MALRD1: variants seen among roughly 807,000 people sequenced by gnomAD.
The protein encoded by MALRD1 is MAM and LDL-receptor class A domain-containing protein 1.
MALRD1 carries 247 observed loss-of-function variants against 242.1 expected under a neutral mutation model. That is an observed-to-expected ratio of 1.02 (90% CI 0.92 to 1.13). MALRD1 has a LOEUF of 1.13. MALRD1 is among the 50% of genes most tolerant of loss of function. The pLI, the probability that MALRD1 is intolerant of heterozygous loss-of-function variation, is 0.00. For synonymous variants in MALRD1, 995 were observed against 866.6 expected, an observed-to-expected ratio of 1.15 and a Z score of -2.60; for missense variants, 2,989 against 2,533.1, an observed-to-expected ratio of 1.18 and a Z score of -3.86.
intron 18 of MALRD1, among the ~76,000 whole-genome samples, chr10:19,240,057 G>A (rs746615124): frequency 6.6e-6 from 1 of 151,902 alleles, no homozygotes; most frequent in Non-Finnish European, 1.5e-5. Flanking sequence ...ATTTTGATAG[G>A]GATTGCATTG....
rs541942308 is a variant in MALRD1, at chr10:19,201,454, A to G, written c.1952-2274A>G. 7.9e-5 allele frequency among the ~76,000 whole-genome samples: 12 copies of G among 152,318 alleles called. No homozygotes were observed. The South Asian group carries it at 2.3e-3, about 29-fold the overall frequency. ...CTATAGCAATATCTCCCTGGATAGC[A>G]GATAATAAGGTTCCCCTTCCAGGTA... is the stretch of plus-strand genomic sequence containing the variant. On this transcript the variant is annotated intron_variant, in intron 14 of 39. Coordinates refer to ENST00000454679, the MANE Select transcript of MALRD1 (RefSeq NM_001142308.3).
chr10:19,633,034 T>C (rs12266190), intron 36 of MALRD1, among the ~76,000 whole-genome samples: 23,879 of 151,926 alleles, frequency 0.16, 3,088 homozygotes, highest in African/African-American at 0.35. Context: ...GAGTTCAAGA[T>C]CAGCCTGGCC....
intron 32 of MALRD1, among the ~76,000 whole-genome samples, chr10:19,547,804 ATATATATATATATATTTTTTT>A (rs1276543606): frequency 7.5e-5 from 1 of 13,316 alleles, no homozygotes; most frequent in Non-Finnish European, 1.7e-4. Context: ...ATATATATAT[ATATATATATATATATTTTTTT>A]TTTTTTTTTT....
chr10:19,286,785 A>G (rs544111644), intron 21 of MALRD1, among the ~76,000 whole-genome samples: 17 of 151,584 alleles, frequency 1.1e-4, no homozygotes, highest in East Asian at 1.9e-4. Context: ...ATTCCAATCA[A>G]TAGAAAAGGA....
rs571468452 is a variant in MALRD1, at chr10:19,238,713, A to G, written c.2992-18971A>G. Among the ~76,000 whole-genome samples, 12 of 149,556 alleles carry G rather than the reference A, an allele frequency of 8.0e-5. 1 individual carries two copies. In the South Asian group the frequency reaches 2.3e-3, roughly 29 times the overall value. On this transcript the variant is annotated intron_variant, in intron 18 of 39. Transcript: ENST00000454679. The stretch of plus-strand genomic sequence containing the variant: ...AACACAATGATTTCATTTCCTATGG[A>G]TATATACCCAGTAGTGGGATTGCTG...
chr10:19,726,286 G>A (rs922933234), intron 38 of MALRD1, among the ~76,000 whole-genome samples: 3 of 152,102 alleles, frequency 2.0e-5, no homozygotes, highest in Middle Eastern at 3.4e-3. Flanking sequence ...AATGGGCAAA[G>A]GACTAGAATA....
chr10:19,568,554 A>G (rs186514701), intron 33 of MALRD1, among the ~76,000 whole-genome samples: 1 of 152,218 alleles, frequency 6.6e-6, no homozygotes. Flanking sequence ...TTCCTCAGGA[A>G]GTCACTCCCA....
At chr10:19,270,840 ACACG>A (rs1304080419) in intron 19 of MALRD1, among the ~76,000 whole-genome samples, 8 of 150,848 alleles carry the variant, frequency 5.3e-5, no homozygotes, top group African/African-American at 1.7e-4. Context: ...ACACACACAC[ACACG>A]CACACACAAA....
intron 14 of MALRD1, among the ~76,000 whole-genome samples, chr10:19,181,048 A>G (rs1835479964): frequency 6.9e-6 from 1 of 145,692 alleles, no homozygotes; most frequent in South Asian, 2.1e-4. Context: ...GATAGCTATA[A>G]TTAAAAAAAA....
Position 19,340,346 on chromosome 10 carries a change from C to CTT in MALRD1, c.3902-7414_3902-7413dup, listed in dbSNP as rs35265559. On this transcript the variant is annotated intron_variant, in intron 24 of 39. Transcript: ENST00000454679. ...GACTGTAGTCAATTTGATGTGCTAA[C>CTT]TTTTTTTTTTTTGTACCCATTAACA... Among the ~76,000 whole-genome samples the CTT allele has an allele frequency of 8.3e-3, 1,233 of 148,044 alleles. 15 individuals are homozygous for CTT. Among genetic ancestry groups the CTT allele is most frequent in the African/African-American group, 0.025 (1,014 of 40,424 alleles).
At chr10:19,494,583 G>A (rs1180795854) in intron 30 of MALRD1, among the ~76,000 whole-genome samples, 8 of 152,216 alleles carry the variant, frequency 5.3e-5, no homozygotes, top group Middle Eastern at 3.4e-3. Flanking sequence ...AAAAAATAAC[G>A]TAATTCACCT....
intron 18 of MALRD1, among the ~76,000 whole-genome samples, chr10:19,257,357 G>T: frequency 6.6e-6 from 1 of 152,116 alleles, no homozygotes; most frequent in East Asian, 1.9e-4. Context: ...AGGACCAGAA[G>T]GGAACAACAC....
intron 2 of MALRD1, among the ~76,000 whole-genome samples, chr10:19,069,510 G>C (rs1327779711): frequency 6.6e-6 from 1 of 151,796 alleles, no homozygotes; most frequent in Admixed American, 6.6e-5. Flanking sequence ...ACCTATCTGA[G>C]TTTGTCTCTG....
intron 26 of MALRD1, among the ~76,000 whole-genome samples, chr10:19,373,346 C>G (rs533685240): frequency 6.6e-6 from 1 of 151,884 alleles, no homozygotes; most frequent in African/African-American, 2.4e-5. Context: ...ACTAAAAATA[C>G]AGAAACAACA....
chr10:19,722,713 G>T (rs1834828247), intron 38 of MALRD1: 1 of 151,518 alleles, frequency 6.6e-6, no homozygotes, highest in African/African-American at 2.4e-5. Flanking sequence ...CAAATTTGGG[G>T]GTCAGGAGAA....
intron 33 of MALRD1, among the ~76,000 whole-genome samples, chr10:19,568,930 C>G (rs1183673860): frequency 6.6e-6 from 1 of 152,058 alleles, no homozygotes; most frequent in African/African-American, 2.4e-5. Context: ...CGGCACACCT[C>G]TGTAGATTCT....
intron 28 of MALRD1, among the ~76,000 whole-genome samples, chr10:19,411,974 C>T (rs1299647518): frequency 6.6e-6 from 1 of 152,140 alleles, no homozygotes; most frequent in African/African-American, 2.4e-5. Flanking sequence ...TTGATCATTA[C>T]TTAAGTAAAT....
intron 32 of MALRD1, among the ~76,000 whole-genome samples, chr10:19,565,740 T>C (rs574017237): frequency 1.2e-4 from 19 of 152,188 alleles, no homozygotes; most frequent in South Asian, 2.1e-4. Flanking sequence ...TCTGATTGAA[T>C]CTTAGCTGCT....
At chr10:19,293,003 G>A (rs952050581) in intron 21 of MALRD1, among the ~76,000 whole-genome samples, 2 of 151,564 alleles carry the variant, frequency 1.3e-5, no homozygotes, top group African/African-American at 2.4e-5. Context: ...TCAGTGAAGA[G>A]AAAATATTAT....
Sources: gnomAD v4.1 joint callset for allele counts (sites outside exome capture counted in the v4.1 genomes callset) on GRCh38, gnomAD v4.1.1 for gene constraint, MANE v1.5 for transcripts, NCBI Gene and HGNC (gene_info 2026-07-23, HGNC 2026-07-21) for gene names.